The following RPRD2 variants were observed in gnomAD, a reference collection of about 807,000 sequenced individuals.
The protein encoded by RPRD2 is regulation of nuclear pre-mRNA domain containing 2, also known as regulation of nuclear pre-mRNA domain-containing protein 2.
Under a neutral mutation model 104.4 loss-of-function variants are expected in RPRD2, and 12 were observed. The observed-to-expected ratio is 0.11, with a 90% CI of 0.07 to 0.19. RPRD2 has a LOEUF of 0.19. Among genes scored for constraint, RPRD2 ranks in the 10% least tolerant of loss-of-function variants. The pLI, the probability that RPRD2 is intolerant of heterozygous loss-of-function variation, is 1.00. For synonymous variants in RPRD2, 714 were observed against 684.9 expected, an observed-to-expected ratio of 1.04 and a Z score of -0.66; for missense variants, 1,543 against 1,790.1, an observed-to-expected ratio of 0.86 and a Z score of 2.49.
chr1:150,381,691 A>G (rs1361622701), intron 1 of RPRD2, among the ~76,000 whole-genome samples: 1 of 151,926 alleles, frequency 6.6e-6, no homozygotes, highest in Non-Finnish European at 1.5e-5. Context: ...TTTTTAGTAG[A>G]GACGGGGTTT....
chr1:150,375,958 C>G (rs1553879373), intron 1 of RPRD2, among the ~76,000 whole-genome samples: 1 of 152,062 alleles, frequency 6.6e-6, no homozygotes, highest in African/African-American at 2.4e-5. Context: ...TTCCACTGCC[C>G]CCACAGATAT....
intron 4 of RPRD2, among the ~76,000 whole-genome samples, chr1:150,442,631 A>G (rs1053682894): frequency 6.6e-6 from 1 of 152,224 alleles, no homozygotes; most frequent in Non-Finnish European, 1.5e-5. Flanking sequence ...TCCAGCGAGC[A>G]TATGATATCC....
rs958288470 is a variant in RPRD2 at position 150,467,124 on chromosome 1, G to A, written c.1612+2397G>A. On this transcript the variant is annotated intron_variant, in intron 10 of 10. Transcript: ENST00000369068. The stretch of plus-strand genomic sequence containing the variant: ...TTGAGAAACCCTGCTCTCTATCAAA[G>A]GAGTGGTGTAAAACAGTTTCCTAAA... Among the ~76,000 whole-genome samples the A allele has an allele frequency of 2.0e-5, 3 of 152,128 alleles. 1 individual carries two copies. The highest frequency in any genetic ancestry group is 2.0e-4 in the Admixed American group (3 of 15,272).
intron 7 of RPRD2, among the ~76,000 whole-genome samples, chr1:150,446,796 G>GTAATACAGC (rs1553895584): frequency 6.7e-5 from 10 of 149,952 alleles, no homozygotes; most frequent in Admixed American, 2.7e-4. Context: ...CTTGTACAAG[G>GTAATACAGC]TAATACAGCT....
intron 7 of RPRD2, among the ~76,000 whole-genome samples, chr1:150,452,297 C>T (rs1365424818): frequency 2.0e-5 from 3 of 152,104 alleles, no homozygotes; most frequent in Non-Finnish European, 2.9e-5. Context: ...CAGGAAATGG[C>T]AAGGAAGAAT....
intron 2 of RPRD2, among the ~76,000 whole-genome samples, chr1:150,431,625 C>T (rs781854777): frequency 2.5e-4 from 38 of 150,860 alleles, no homozygotes; most frequent in South Asian, 4.2e-4. Flanking sequence ...GGATTACAGG[C>T]GCGCGCCACC....
chr1:150,399,127 G>T (rs1274656694), intron 1 of RPRD2, among the ~76,000 whole-genome samples: 3 of 151,914 alleles, frequency 2.0e-5, no homozygotes, highest in Admixed American at 6.6e-5. Flanking sequence ...CCATCCTTTG[G>T]AGTAGCTGGG....
At chr1:150,454,036 T>G (rs1667363051) in intron 7 of RPRD2, among the ~76,000 whole-genome samples, 1 of 152,154 alleles carries the variant, frequency 6.6e-6, no homozygotes, top group Non-Finnish European at 1.5e-5. Flanking sequence ...TGATTTGAAC[T>G]CTCTAGTCCT....
intron 1 of RPRD2, among the ~76,000 whole-genome samples, chr1:150,415,086 A>G (rs1442594741): frequency 1.3e-5 from 2 of 152,162 alleles, no homozygotes; most frequent in Non-Finnish European, 2.9e-5. Flanking sequence ...GCACTTTGGG[A>G]GGCCAAGGCA....
In RPRD2 at chr1:150,443,367, A is replaced by G; in HGVS notation, c.567+84A>G. 5 of 986,582 alleles carry G rather than the reference A, an allele frequency of 5.1e-6. No individual in the cohort carries two copies. In the South Asian group the frequency reaches 7.4e-5, roughly 15 times the overall value. The allele number at this position is 986,582 out of a possible 1,614,324, so 61.1% of individuals were successfully genotyped here. On this transcript the variant is annotated intron_variant, in intron 5 of 10. Coordinates refer to ENST00000369068, the MANE Select transcript of RPRD2 (RefSeq NM_015203.5). ...TTTCCTGTATAGTCCAATAAGATTT[A>G]TCTGTATTCAATTACACATGTCATG...
At chr1:150,400,886 A>T (rs1260392) in intron 1 of RPRD2, among the ~76,000 whole-genome samples, 89,811 of 150,498 alleles carry the variant, frequency 0.6, 27,104 homozygotes, top group African/African-American at 0.65. Context: ...TTTTTTTTTT[A>T]AAAAAAAGAG....
chr1:150,368,507 A>G (rs1244277378), intron 1 of RPRD2, among the ~76,000 whole-genome samples: 1 of 135,868 alleles, frequency 7.4e-6, no homozygotes, highest in Admixed American at 8.1e-5. Flanking sequence ...CTTTTCACCC[A>G]TGCTGGAGTA....
At chr1:150,372,179 TA>T in intron 1 of RPRD2, among the ~76,000 whole-genome samples, 1 of 152,216 alleles carries the variant, frequency 6.6e-6, no homozygotes. Flanking sequence ...ATACAGACCC[TA>T]ACTTTGAGCT....
intron 4 of RPRD2, among the ~76,000 whole-genome samples, chr1:150,442,374 T>A (rs1553894652): frequency 6.6e-6 from 1 of 152,106 alleles, no homozygotes; most frequent in African/African-American, 2.4e-5. Flanking sequence ...ATCTCCAGAT[T>A]TGGGGGATAT....
At chr1:150,442,873 G>C (rs1666499472) in intron 4 of RPRD2, among the ~76,000 whole-genome samples, 1 of 151,900 alleles carries the variant, frequency 6.6e-6, no homozygotes. Flanking sequence ...GGATTAATTG[G>C]ATGTCCTGTT....
intron 7 of RPRD2, among the ~76,000 whole-genome samples, chr1:150,449,746 T>C (rs1309766766): frequency 1.3e-5 from 2 of 152,182 alleles, no homozygotes; most frequent in African/African-American, 2.4e-5. Flanking sequence ...CTTCAACATA[T>C]GAGTCAGGGG....
At chr1:150,413,518 G>A (rs1011847916) in intron 1 of RPRD2, among the ~76,000 whole-genome samples, 6 of 152,114 alleles carry the variant, frequency 3.9e-5, no homozygotes, top group Non-Finnish European at 7.4e-5. Flanking sequence ...CAGGAGAATC[G>A]CTTGAACCTG....
intron 1 of RPRD2, among the ~76,000 whole-genome samples, chr1:150,401,994 CTG>C (rs1663068573): frequency 6.9e-6 from 1 of 145,016 alleles, no homozygotes; most frequent in South Asian, 2.2e-4. Flanking sequence ...CAGAGTCTCA[CTG>C]TCACCCAGGC....
chr1:150,397,218 CCTGCCTCGGCCTCTGGAA>C (rs1198868021), intron 1 of RPRD2, among the ~76,000 whole-genome samples: 1 of 152,176 alleles, frequency 6.6e-6, no homozygotes, highest in Non-Finnish European at 1.5e-5. Context: ...ACATGATCCA[CCTGCCTCGGCCTCTGGAA>C]GTGCTGGGAT....
Sources: gnomAD v4.1 joint callset for allele counts (sites outside exome capture counted in the v4.1 genomes callset) on GRCh38, gnomAD v4.1.1 for gene constraint, MANE v1.5 for transcripts, NCBI Gene and HGNC (gene_info 2026-07-23, HGNC 2026-07-21) for gene names.